Variants in NCALD observed in about 807,000 individuals in gnomAD.
NCALD encodes the protein neurocalcin delta.
In NCALD, 10 loss-of-function variants were observed where a neutral mutation model predicts 18.6. The observed-to-expected ratio is 0.54, with a 90% confidence interval of 0.33 to 0.91. The LOEUF is 0.91. Among genes scored for constraint, NCALD ranks in the 40% least tolerant of loss-of-function variants. The probability of loss-of-function intolerance (pLI) is 0.03; values close to 1 mark genes in which losing one functional copy is unlikely to be tolerated. For synonymous variants in NCALD, 88 were observed against 87.4 expected, an observed-to-expected ratio of 1.01 and a Z score of -0.04; for missense variants, 184 against 247.6, an observed-to-expected ratio of 0.74 and a Z score of 1.72.
intron 2 of NCALD, among the ~76,000 whole-genome samples, chr8:101,983,699 G>A (rs769133707): frequency 9.9e-5 from 15 of 152,188 alleles, no homozygotes; most frequent in African/African-American, 2.2e-4. Flanking sequence ...TTTATGGAAC[G>A]TAGCAATGGG....
At chr8:101,775,533 A>G (rs1035781893) in intron 1 of NCALD, among the ~76,000 whole-genome samples, 1 of 152,148 alleles carries the variant, frequency 6.6e-6, no homozygotes, top group Non-Finnish European at 1.5e-5. Flanking sequence ...TTTCAACCAC[A>G]CTGCTGTGGC....
At chr8:101,917,032 G>C (rs1294781058) in intron 2 of NCALD, among the ~76,000 whole-genome samples, 1 of 152,100 alleles carries the variant, frequency 6.6e-6, no homozygotes, top group Admixed American at 6.6e-5. Flanking sequence ...CATCCATCAA[G>C]TATAGAATAT....
chr8:101,867,462 T>C (rs773289581), intron 4 of NCALD, among the ~76,000 whole-genome samples: 5 of 152,204 alleles, frequency 3.3e-5, no homozygotes, highest in Non-Finnish European at 7.3e-5. Flanking sequence ...TGAAGCAACT[T>C]CTTAGAAATT....
At position 101,806,036 on chromosome 8, in the gene NCALD, C is replaced by T. The variant is rs146521146; in HGVS notation, c.-20+81105G>A. Among the ~76,000 whole-genome samples the T allele has an allele frequency of 4.4e-4, 67 of 152,202 alleles. No homozygotes were observed. In the East Asian group the frequency reaches 6.8e-3, roughly 15 times the overall value. On this transcript the variant is annotated intron_variant, in intron 4 of 6. Transcript: ENST00000311028. ...TATAACAGAGAGACTGGGAAAGAGACGGCCAAATATAGCTCTACCAAAACC... is the reference window on the plus strand; with the variant it reads ...TATAACAGAGAGACTGGGAAAGAGATGGCCAAATATAGCTCTACCAAAACC...
chr8:102,061,750 C>G (rs1823857136), intron 1 of NCALD, among the ~76,000 whole-genome samples: 1 of 152,188 alleles, frequency 6.6e-6, no homozygotes, highest in Admixed American at 6.5e-5. Context: ...CGCCACAGAC[C>G]TCCATACTCG....
At chr8:101,752,972 C>A (rs1810721886) in intron 1 of NCALD, among the ~76,000 whole-genome samples, 2 of 145,072 alleles carry the variant, frequency 1.4e-5, no homozygotes, top group South Asian at 4.2e-4. Context: ...TTTATTCTTA[C>A]AAGCCATCCC....
At chr8:101,896,649 G>T (rs190635514) in intron 3 of NCALD, among the ~76,000 whole-genome samples, 82 of 151,826 alleles carry the variant, frequency 5.4e-4, no homozygotes, top group African/African-American at 1.5e-3. Flanking sequence ...AATCTACAAT[G>T]AACTCAAACA....
chr8:101,716,647 G>A (rs529145818), intron 2 of NCALD, among the ~76,000 whole-genome samples: 3 of 152,240 alleles, frequency 2.0e-5, no homozygotes, highest in East Asian at 1.9e-4. Flanking sequence ...TAGACTGAAC[G>A]ACGGCCCCCA....
intron 1 of NCALD, among the ~76,000 whole-genome samples, chr8:101,757,795 C>A (rs1810949947): frequency 6.6e-6 from 1 of 152,084 alleles, no homozygotes; most frequent in South Asian, 2.1e-4. Context: ...ACACAGTAGG[C>A]CTTCAACAAA....
chr8:101,957,289 G>GGTTT (rs1819664721), intron 2 of NCALD, among the ~76,000 whole-genome samples: 1 of 99,508 alleles, frequency 1.0e-5, no homozygotes, highest in Non-Finnish European at 1.9e-5. Flanking sequence ...AAAAGTTGGG[G>GGTTT]TTTTTTTTTT....
intron 2 of NCALD, among the ~76,000 whole-genome samples, chr8:101,999,292 G>GTA (rs898901321): frequency 2.0e-4 from 30 of 151,050 alleles, no homozygotes; most frequent in South Asian, 8.4e-4. Flanking sequence ...AGAAATTGTG[G>GTA]TATATATATA....
intron 1 of NCALD, among the ~76,000 whole-genome samples, chr8:102,085,856 G>A (rs1345423105): frequency 6.6e-6 from 1 of 151,784 alleles, no homozygotes; most frequent in East Asian, 1.9e-4. Context: ...TTTTAACCAA[G>A]CAGAAAAAGC....
rs541923203 is a variant in NCALD at position 102,105,025 on chromosome 8, G to A, written c.-210+19212C>T. Among the ~76,000 whole-genome samples the A allele has an allele frequency of 3.9e-5, 6 of 152,312 alleles. No individual in the cohort carries two copies. The South Asian group carries it at 1.0e-3, about 26-fold the overall frequency. On this transcript the variant is annotated intron_variant, in intron 1 of 6. Transcript: ENST00000311028. ...TATCTCGATATAATGTAGAGAGGAC[G>A]TGCCTGAGGATAAAATCAATCCAGA...
chr8:101,688,479 T>C lies in NCALD; in HGVS notation c.*830A>G. On this transcript the variant is annotated 3_prime_UTR_variant, in exon 4 of 4. Transcript: ENST00000220931. ...CAATAAGCTACTAAAAACAGTCTTC[T>C]GGAATAAGATTGTATTAGTGCTCAC... 3.1e-6 allele frequency: 1 copy of C among 318,016 alleles called. No individual in the cohort carries two copies. Among genetic ancestry groups the C allele is most frequent in the Non-Finnish European group, 6.3e-6 (1 of 159,956 alleles). 19.7% of individuals were successfully genotyped at this position (318,016 alleles called of 1,614,324 possible). A position where few individuals can be genotyped will look rare whatever the true frequency, so the allele number is the denominator to read the frequency against.
intron 1 of NCALD, among the ~76,000 whole-genome samples, chr8:102,026,362 T>C (rs1236666281): frequency 1.3e-5 from 2 of 152,078 alleles, no homozygotes; most frequent in African/African-American, 4.8e-5. Context: ...CTAGATACAA[T>C]AGAGGTACAG....
chr8:101,948,496 A>G (rs935047829), intron 2 of NCALD, among the ~76,000 whole-genome samples: 1 of 152,222 alleles, frequency 6.6e-6, no homozygotes, highest in African/African-American at 2.4e-5. Flanking sequence ...AAGCAGTTGA[A>G]TAATCCCTCT....
chr8:102,027,897 A>T (rs1421167142), intron 1 of NCALD, among the ~76,000 whole-genome samples: 1 of 152,158 alleles, frequency 6.6e-6, no homozygotes, highest in Non-Finnish European at 1.5e-5. Context: ...AATTCATCAG[A>T]TCTTGTGAGA....
At chr8:101,768,209 T>C (rs1811429517) in intron 1 of NCALD, among the ~76,000 whole-genome samples, 1 of 152,192 alleles carries the variant, frequency 6.6e-6, no homozygotes, top group African/African-American at 2.4e-5. Context: ...TGCAAGACTC[T>C]GGTGGAAAAG....
intron 4 of NCALD, among the ~76,000 whole-genome samples, chr8:101,859,841 A>G (rs1175944344): frequency 6.6e-6 from 1 of 152,164 alleles, no homozygotes; most frequent in Non-Finnish European, 1.5e-5. Context: ...ACATTTCCCA[A>G]AACAAAGGGT....
Sources: gnomAD v4.1 joint callset for allele counts (sites outside exome capture counted in the v4.1 genomes callset) on GRCh38, gnomAD v4.1.1 for gene constraint, MANE v1.5 for transcripts, NCBI Gene and HGNC (gene_info 2026-07-23, HGNC 2026-07-21) for gene names.